The following LMAN1L variants were observed in gnomAD, a reference collection of about 807,000 sequenced individuals.
The protein encoded by LMAN1L is protein ERGIC-53-like.
Under a neutral mutation model 58.3 loss-of-function variants are expected in LMAN1L, and 60 were observed. The ratio of observed to expected loss-of-function variants is 1.03; its 90% confidence interval spans 0.84 to 1.27. The LOEUF (loss-of-function observed/expected upper bound fraction) is 1.27. LMAN1L is among the 50% of genes most tolerant of loss of function. LMAN1L has a pLI of 0.00. For missense variants in LMAN1L, 629 were observed against 674.0 expected (o/e 0.93, Z 0.74); for synonymous variants, 280 against 271.6 (o/e 1.03, Z -0.31).
At chr15:74,818,664 A>G (rs1329802294) in intron 4 of LMAN1L, 54 bp from the exon 5 acceptor site, 2 of 1,386,052 alleles carry the variant, frequency 1.4e-6, no homozygotes, top group East Asian at 2.5e-5. Flanking sequence ...ACTGCACTCC[A>G]GCCTGGGCAG....
chr15:74,816,177 G>A lies in LMAN1L; in HGVS notation c.196G>A (p.Glu66Lys). ...HHGDAILGLE[E>K]VRLTPSMRNR... ...CACAGACGCCATCCTGGGCCTGGAG[G>A]AAGTGCGGCTGACGCCATCCATGAG... is the stretch of plus-strand genomic sequence containing the variant. The change falls in exon 2 of 14, where the codon GAA becomes AAA. Residue 66 changes from glutamate to lysine, a missense_variant. Transcript: ENST00000309664. The A allele has an allele frequency of 6.4e-7, 1 of 1,552,402 alleles. No individual in the cohort carries two copies. The highest frequency in any genetic ancestry group is 8.7e-7 in the Non-Finnish European group (1 of 1,148,550).
In LMAN1L at chr15:74,825,254, G is replaced by A. The variant is rs1297846577; in HGVS notation, c.1452-222G>A. ...CTCACAGGCTTCAGCACATGCACAG[G>A]AGTGCAGTGGTGGCAATCAGCCTGG... On this transcript the variant is annotated intron_variant, in intron 13 of 13. Transcript: ENST00000309664. 6 of 498,104 alleles carry A rather than the reference G, an allele frequency of 1.2e-5. No homozygotes were observed. In the East Asian group the frequency reaches 1.2e-4, roughly 10 times the overall value. 30.9% of individuals were successfully genotyped at this position (498,104 alleles called of 1,614,324 possible).
In LMAN1L at chr15:74,820,756, C is replaced by T; in HGVS notation, c.896C>T (p.Ala299Val). ...GTAACTCCAAAATCAGACTCTGAAG[C>T]TCAAGGAGAAGGTAGGGACCGAGAG... ...EDVTPKSDSE[A>V]QGEGERLFDL... is the part of the protein sequence containing the mutation. The change falls in exon 8 of 14, where the codon GCT becomes GTT. Residue 299 changes from alanine (A) to valine (V), a missense_variant. This residue lies in a region of LMAN1L where 573 missense variants were observed against 597.3 expected (regional missense o/e 0.96). Transcript: ENST00000309664. The T allele has an allele frequency of 1.2e-6, 2 of 1,612,712 alleles. No homozygotes were observed. The highest frequency in any genetic ancestry group is 1.7e-6 in the Non-Finnish European group (2 of 1,179,500).
At chr15:74,813,689 G>A (rs184157550) in intron 1 of LMAN1L, among the ~76,000 whole-genome samples, 80 of 152,372 alleles carry the variant, frequency 5.3e-4, no homozygotes, top group Non-Finnish European at 9.4e-4. Flanking sequence ...AGAGTGGAGC[G>A]TGAAATAGTC....
intron 12 of LMAN1L, 131 bp downstream of exon 12, chr15:74,823,813 A>G (rs1416595164): frequency 1.9e-6 from 2 of 1,060,280 alleles, no homozygotes; most frequent in East Asian, 2.5e-5. Flanking sequence ...GCTGGCAAGC[A>G]CATCTGTGCC....
chr15:74,816,373 C>T lies in LMAN1L; in HGVS notation c.331-54C>T, dbSNP rs2063890431. The T allele has an allele frequency of 6.9e-6, 11 of 1,598,296 alleles. 1 individual carries two copies. Among genetic ancestry groups the T allele is most frequent in the South Asian group, 4.4e-5 (4 of 90,136 alleles). ...GGTCAGGGAGGCGGGTGATGAGCCCCGGGGTCCCAGTATCCCACACGGTTC... is the reference window on the plus strand; with the variant it reads ...GGTCAGGGAGGCGGGTGATGAGCCCTGGGGTCCCAGTATCCCACACGGTTC... On this transcript the variant is annotated intron_variant, in intron 2 of 13. Transcript: ENST00000309664.
intron 9 of LMAN1L, 81 bp from the exon 10 acceptor site, chr15:74,821,748 A>C (rs1311608106): frequency 6.7e-6 from 6 of 897,324 alleles, no homozygotes; most frequent in Non-Finnish European, 1.1e-5. Flanking sequence ...GTGTCAGAGC[A>C]GCTTAGGCTG....
intron 6 of LMAN1L, chr15:74,819,485 A>G: frequency 1.6e-6 from 1 of 608,462 alleles, no homozygotes; most frequent in South Asian, 2.7e-5. Context: ...TGGCCACATA[A>G]GTGCCCCTAG....
Position 74,821,159 on chromosome 15 carries a change from C to T in LMAN1L, c.992C>T (p.Ala331Val), listed in dbSNP as rs769712922. The change falls in exon 9 of 14, where the codon GCC becomes GTC. Residue 331 changes from alanine (A) to valine (V), a missense_variant. Around this residue, in one of 3 missense-constraint regions of LMAN1L, gnomAD observed 573 missense variants for 597.3 expected, o/e 0.96. Transcript: ENST00000309664. Reference sequence around the variant, plus strand: ...CTGCGGGGTCTCTCCAAGCAGCTGGCCCAGGCTGAGAGACAATGGAAGAAG... The same window carrying T: ...CTGCGGGGTCTCTCCAAGCAGCTGGTCCAGGCTGAGAGACAATGGAAGAAG... ...QALRGLSKQL[A>V]QAERQWKKQL... The T allele has an allele frequency of 5.1e-6, 8 of 1,553,782 alleles. No homozygotes were observed. The highest frequency in any genetic ancestry group is 2.0e-5 in the Admixed American group (1 of 51,220).
rs1388125528 is a variant in LMAN1L at position 74,824,336 on chromosome 15, A to T, written c.1324-15A>T. The T allele has an allele frequency of 3.1e-6, 5 of 1,613,234 alleles. No homozygotes were observed. In the Admixed American group the frequency reaches 6.7e-5, roughly 22 times the overall value. On this transcript the variant is annotated splice_polypyrimidine_tract_variant and intron_variant, in intron 12 of 13. Coordinates refer to ENST00000309664, the MANE Select transcript of LMAN1L (RefSeq NM_021819.3). ...GTAAGAAGCTAAGCTAGGACCTTAG[A>T]CTTTCCCCTTTCAGAAGGCAGCAGC... is the stretch of plus-strand genomic sequence containing the variant.
chr15:74,816,376 G>A (rs774007468), intron 2 of LMAN1L, 51 bp from the exon 3 acceptor site: 4 of 1,597,956 alleles, frequency 2.5e-6, no homozygotes, highest in Non-Finnish European at 3.4e-6. Context: ...TGAGCCCCGG[G>A]GTCCCAGTAT....
chr15:74,820,969 GC>G, intron 8 of LMAN1L, 105 bp from the exon 9 acceptor site: 1 of 1,393,162 alleles, frequency 7.2e-7, no homozygotes. Flanking sequence ...GGAGGCAGCA[GC>G]CACACCTTCT....
At position 74,820,749 on chromosome 15, in the gene LMAN1L, T is replaced by C. The variant is rs763491167; in HGVS notation, c.889T>C (p.Ser297Pro). The change falls in exon 8 of 14, where the codon TCT (serine) becomes CCT (proline). Residue 297 changes from serine to proline, a missense_variant. Around this residue, in one of 3 missense-constraint regions of LMAN1L, gnomAD observed 573 missense variants for 597.3 expected, o/e 0.96. Transcript: ENST00000309664. ...GGAGGATGTAACTCCAAAATCAGAC[T>C]CTGAAGCTCAAGGAGAAGGTAGGGA... ...TREDVTPKSDSEAQGEGERLF... is the reference protein window; with the variant it reads ...TREDVTPKSDPEAQGEGERLF... 1.2e-6 allele frequency: 2 copies of C among 1,613,000 alleles called. No individual in the cohort carries two copies. Among genetic ancestry groups the C allele is most frequent in the East Asian group, 2.2e-5 (1 of 44,840 alleles).
At position 74,819,954 on chromosome 15, in the gene LMAN1L, G is replaced by A. The variant is rs553513688; in HGVS notation, c.719-90G>A. ...GGCCCAAAGTCACCCCTCTTGCCTC[G>A]GTGGGATATCATGGCGGTTAGGGTG... On this transcript the variant is annotated intron_variant, in intron 6 of 13. Transcript: ENST00000309664. 5.2e-5 allele frequency: 64 copies of A among 1,231,256 alleles called. No individual in the cohort carries two copies. In the East Asian group the frequency reaches 1.3e-3, roughly 24 times the overall value. 76.3% of individuals were successfully genotyped at this position (1,231,256 alleles called of 1,614,324 possible).
At chr15:74,813,951 C>A (rs2063877512) in intron 1 of LMAN1L, among the ~76,000 whole-genome samples, 1 of 151,944 alleles carries the variant, frequency 6.6e-6, no homozygotes, top group African/African-American at 2.4e-5. Context: ...AATGGTGAAA[C>A]CCTGACTCTA....
chr15:74,824,635 CACCAAGCACTACTG>C, intron 13 of LMAN1L, 157 bp downstream of exon 13: 1 of 843,038 alleles, frequency 1.2e-6, no homozygotes, highest in Non-Finnish European at 1.9e-6. Flanking sequence ...CCCATTCTCT[CACCAAGCACTACTG>C]ACCACCTGCT....
Position 74,821,168 on chromosome 15 carries a change from A to G in LMAN1L, c.1001A>G (p.Glu334Gly). The G allele has an allele frequency of 6.4e-7, 1 of 1,552,702 alleles. No homozygotes were observed. The highest frequency in any genetic ancestry group is 8.7e-7 in the Non-Finnish European group (1 of 1,148,320). The stretch of plus-strand genomic sequence containing the variant: ...CTCTCCAAGCAGCTGGCCCAGGCTG[A>G]GAGACAATGGAAGAAGCAGCTGGGG... ...RGLSKQLAQA[E>G]RQWKKQLGPP... The change falls in exon 9 of 14, where the codon GAG (glutamate) becomes GGG (glycine). Residue 334 changes from glutamate (E) to glycine (G), a missense_variant. Physicochemically the swap from Glu to Gly is moderately conservative, Grantham distance 98. Around this residue, in one of 3 missense-constraint regions of LMAN1L, gnomAD observed 573 missense variants for 597.3 expected, o/e 0.96. Coordinates refer to ENST00000309664, the MANE Select transcript of LMAN1L (RefSeq NM_021819.3).
chr15:74,818,878 C>A, intron 5 of LMAN1L, 61 bp downstream of exon 5: 1 of 1,423,298 alleles, frequency 7.0e-7, no homozygotes. Context: ...TGTGTGCGTG[C>A]CCACGGCCCC....
rs149031724 is a variant in LMAN1L at position 74,820,715 on chromosome 15, G to A, written c.855G>A (p.Leu285=). 2.5e-4 allele frequency: 404 copies of A among 1,613,816 alleles called. 2 individuals carry two copies. In the East Asian group the frequency reaches 8.9e-3, roughly 36 times the overall value. Residue 285 remains leucine, a synonymous_variant, in exon 8 of 14, where the codon TTG becomes TTA. Transcript: ENST00000309664. ...AAGGGCTGTGGGCAAGGCTGGGCTT[G>A]GGCACCAGGGAGGATGTAACTCCAA... The part of the protein sequence containing the change: ...QLEGLWARLG[L]GTREDVTPKS...
Sources: allele counts gnomAD v4.1 joint callset (sites outside exome capture counted in the v4.1 genomes callset), GRCh38; gene constraint gnomAD v4.1.1; regional missense constraint gnomAD v4.1.1; transcripts MANE v1.5; gene names NCBI Gene and HGNC (gene_info 2026-07-23, HGNC 2026-07-21).